PBLD: variants seen among roughly 807,000 people sequenced by gnomAD.
PBLD encodes phenazine biosynthesis-like domain-containing protein.
A neutral mutation model predicts 31.3 loss-of-function variants in PBLD; 26 were observed. The observed-to-expected ratio is 0.83, with a 90% CI of 0.61 to 1.15. The LOEUF is 1.15. PBLD is among the 50% of genes most tolerant of loss of function. The pLI is 0.00. For synonymous variants in PBLD, 114 were observed against 129.0 expected, an observed-to-expected ratio of 0.88 and a Z score of 0.79; for missense variants, 307 against 351.7, an observed-to-expected ratio of 0.87 and a Z score of 1.02.
chr10:68,298,833 G>T (rs534491672), intron 2 of PBLD, among the ~76,000 whole-genome samples: 9 of 151,704 alleles, frequency 5.9e-5, no homozygotes, highest in Non-Finnish European at 1.0e-4. Context: ...CCAGCTGGGC[G>T]TGGTGGCTCA....
intron 3 of PBLD, 78 bp downstream of exon 3, chr10:68,296,808 G>A (rs1211989438): frequency 4.0e-6 from 5 of 1,240,204 alleles, no homozygotes; most frequent in Non-Finnish European, 5.9e-6. Flanking sequence ...GGCGGAGGTT[G>A]CAGTGAGTCA....
chr10:68,310,290 TC>T (rs1397365896), intron 1 of PBLD, among the ~76,000 whole-genome samples: 1 of 149,210 alleles, frequency 6.7e-6, no homozygotes, highest in Non-Finnish European at 1.5e-5. Context: ...AGAAAATTTT[TC>T]TTTTTACTTT....
chr10:68,288,423 AC>A (rs1401428500), intron 8 of PBLD, 59 bp downstream of exon 8: 2 of 1,557,854 alleles, frequency 1.3e-6, no homozygotes, highest in Admixed American at 3.8e-5. Flanking sequence ...CACTTAAATA[AC>A]TATTTGTGAT....
chr10:68,314,548 AT>A, intron 1 of PBLD, among the ~76,000 whole-genome samples: 1 of 151,870 alleles, frequency 6.6e-6, no homozygotes. Flanking sequence ...GAGAATTGTC[AT>A]TTGACTTGTC....
intron 8 of PBLD, among the ~76,000 whole-genome samples, chr10:68,286,085 CTTTTTTTTT>C (rs71009034): frequency 9.7e-6 from 1 of 103,422 alleles, no homozygotes; most frequent in East Asian, 3.0e-4. Context: ...TTGAATAATT[CTTTTTTTTT>C]TTTTTTTTTT....
intron 1 of PBLD, among the ~76,000 whole-genome samples, chr10:68,317,762 C>A (rs564952469): frequency 2.0e-5 from 3 of 152,212 alleles, no homozygotes; most frequent in African/African-American, 4.8e-5. Flanking sequence ...CACACCACTG[C>A]ACTCCAGCCT....
chr10:68,291,304 C>T lies in PBLD; in HGVS notation c.423+706G>A, dbSNP rs149127215. ...GTGAAATGCTCAGCATGTGGCACTG[C>T]ACACAGAGAGACTCTCAAAATGTTT... is the stretch of plus-strand genomic sequence containing the variant. On this transcript the variant is annotated intron_variant, in intron 6 of 9. Coordinates refer to ENST00000358769, the MANE Select transcript of PBLD (RefSeq NM_022129.4). Among the ~76,000 whole-genome samples the T allele has an allele frequency of 3.0e-3, 450 of 152,294 alleles. 3 individuals carry two copies. Among genetic ancestry groups the T allele is most frequent in the African/African-American group, 0.01 (431 of 41,562 alleles).
intron 1 of PBLD, among the ~76,000 whole-genome samples, chr10:68,327,002 G>A (rs1000743286): frequency 1.3e-5 from 2 of 151,936 alleles, no homozygotes; most frequent in Non-Finnish European, 1.5e-5. Context: ...AGCTGAGATC[G>A]CGCCACTGCA....
intron 1 of PBLD, among the ~76,000 whole-genome samples, chr10:68,311,751 CAAAAAAA>C (rs987918906): frequency 1.3e-4 from 8 of 59,900 alleles, no homozygotes; most frequent in African/African-American, 3.4e-4. Flanking sequence ...GACCCTGCCT[CAAAAAAA>C]AAAAAAAAAA....
chr10:68,297,985 G>T (rs2044453700), intron 2 of PBLD, among the ~76,000 whole-genome samples: 1 of 150,616 alleles, frequency 6.6e-6, no homozygotes, highest in South Asian at 2.1e-4. Flanking sequence ...AAGGGCTTTA[G>T]CTGGGCATGG....
intron 1 of PBLD, among the ~76,000 whole-genome samples, chr10:68,308,936 C>T (rs1464047141): frequency 6.7e-6 from 1 of 148,788 alleles, no homozygotes; most frequent in East Asian, 2.1e-4. Flanking sequence ...TTCCATTTAC[C>T]ACGTAAATGT....
intron 1 of PBLD, among the ~76,000 whole-genome samples, chr10:68,311,125 G>A (rs2044662047): frequency 6.6e-6 from 1 of 152,066 alleles, no homozygotes; most frequent in South Asian, 2.1e-4. Context: ...AAGCACACTG[G>A]GCTTTCAGTG....
intron 6 of PBLD, 30 bp downstream of exon 6, chr10:68,291,980 C>T: frequency 6.5e-7 from 1 of 1,549,402 alleles, no homozygotes; most frequent in Non-Finnish European, 8.9e-7. Flanking sequence ...TAACAAATAA[C>T]TAGGCTCAGG....
At chr10:68,297,959 T>TA (rs59652364) in intron 2 of PBLD, among the ~76,000 whole-genome samples, 106 of 148,222 alleles carry the variant, frequency 7.2e-4, no homozygotes, top group Middle Eastern at 3.5e-3. Flanking sequence ...AAGATTTAAA[T>TA]AAAAAAAAAA....
chr10:68,319,053 G>GAAAGAAAGAA (rs1554860579), intron 1 of PBLD, among the ~76,000 whole-genome samples: 25 of 98,894 alleles, frequency 2.5e-4, no homozygotes, highest in African/African-American at 4.4e-4. Context: ...AAGAAAGAGA[G>GAAAGAAAGAA]AGAAAGAAAG....
At chr10:68,296,074 G>A in intron 4 of PBLD, 192 bp downstream of exon 4, 1 of 441,022 alleles carries the variant, frequency 2.3e-6, no homozygotes, top group Non-Finnish European at 4.1e-6. Flanking sequence ...AATGATGCTG[G>A]GCACATACTC....
chr10:68,289,078 C>A, intron 6 of PBLD, 59 bp from the exon 7 acceptor site: 1 of 1,327,274 alleles, frequency 7.5e-7, no homozygotes, highest in Non-Finnish European at 1.1e-6. Flanking sequence ...CCTTGATCCC[C>A]TGAAATGGGA....
At chr10:68,330,648 C>T (rs1479803257) in intron 1 of PBLD, among the ~76,000 whole-genome samples, 1 of 151,970 alleles carries the variant, frequency 6.6e-6, no homozygotes, top group African/African-American at 2.4e-5. Flanking sequence ...CGGGTCCACG[C>T]CATTCTCCTG....
At chr10:68,318,375 T>TAAAAAAAAAA (rs34722771) in intron 1 of PBLD, among the ~76,000 whole-genome samples, 1 of 51,282 alleles carries the variant, frequency 1.9e-5, no homozygotes, top group Non-Finnish European at 3.3e-5. Flanking sequence ...CTGCCTCTAT[T>TAAAAAAAAAA]AAAAAAAAAA....
Sources: allele counts gnomAD v4.1 joint callset (sites outside exome capture counted in the v4.1 genomes callset), GRCh38; gene constraint gnomAD v4.1.1; transcripts MANE v1.5; gene names NCBI Gene and HGNC (gene_info 2026-07-23, HGNC 2026-07-21).